The following BTBD9 variants were observed in gnomAD, a reference collection of about 807,000 sequenced individuals.
BTBD9 encodes the protein BTB domain containing 9, also known as BTB/POZ domain-containing protein 9.
Under a neutral mutation model 64.3 loss-of-function variants are expected in BTBD9, and 49 were observed. The observed-to-expected ratio is 0.76, with a 90% CI of 0.61 to 0.97. The LOEUF is 0.97. Among genes scored for constraint, BTBD9 ranks in the 50% least tolerant of loss-of-function variants. BTBD9 has a pLI of 0.00. For missense variants in BTBD9, 598 were observed against 762.1 expected, an observed-to-expected ratio of 0.78 and a Z score of 2.53; for synonymous variants, 260 against 274.7, an observed-to-expected ratio of 0.95 and a Z score of 0.53.
intron 6 of BTBD9, among the ~76,000 whole-genome samples, chr6:38,516,277 C>T (rs921665390): frequency 1.3e-5 from 2 of 151,640 alleles, no homozygotes; most frequent in African/African-American, 4.8e-5. Flanking sequence ...GTCAGCCATT[C>T]CATGAATTTA....
intron 6 of BTBD9, among the ~76,000 whole-genome samples, chr6:38,443,319 G>A (rs1243452871): frequency 6.6e-6 from 1 of 152,176 alleles, no homozygotes; most frequent in Non-Finnish European, 1.5e-5. Flanking sequence ...GTGAAGGGGT[G>A]AGAATATGTT....
At chr6:38,620,988 G>C (rs573300441) in intron 1 of BTBD9, among the ~76,000 whole-genome samples, 65 of 152,320 alleles carry the variant, frequency 4.3e-4, no homozygotes, top group Non-Finnish European at 5.3e-4. Context: ...TTATATGCCA[G>C]AGAGAGAGCA....
chr6:38,527,211 G>GA (rs925140592), intron 6 of BTBD9, among the ~76,000 whole-genome samples: 3 of 130,830 alleles, frequency 2.3e-5, no homozygotes, highest in Non-Finnish European at 3.1e-5. Context: ...AGGAGTTAGA[G>GA]GTTGCAATGA....
intron 6 of BTBD9, among the ~76,000 whole-genome samples, chr6:38,347,825 C>G (rs968451809): frequency 3.9e-5 from 6 of 152,080 alleles, no homozygotes; most frequent in African/African-American, 1.4e-4. Context: ...GGTGAAACCC[C>G]ATCTCTACTA....
intron 9 of BTBD9, among the ~76,000 whole-genome samples, chr6:38,211,157 C>T (rs547388808): frequency 3.3e-5 from 5 of 152,328 alleles, no homozygotes; most frequent in Admixed American, 1.3e-4. Flanking sequence ...AGGCCAGGCA[C>T]GGTGGCTCAC....
At chr6:38,267,407 C>T (rs1312760895) in intron 8 of BTBD9, among the ~76,000 whole-genome samples, 2 of 152,210 alleles carry the variant, frequency 1.3e-5, no homozygotes, top group South Asian at 2.1e-4. Flanking sequence ...TTTATGACTC[C>T]TGTGAAACAA....
At position 38,169,669 on chromosome 6, in the gene BTBD9, ACAGCCTTGGGGAGG is replaced by A. The variant is rs1766668286; in HGVS notation, c.*5302_*5315del. 1 of 152,182 alleles carries A rather than the reference ACAGCCTTGGGGAGG, an allele frequency of 6.6e-6. No homozygotes were observed. Among genetic ancestry groups the A allele is most frequent in the African/African-American group, 2.4e-5 (1 of 41,420 alleles). 9.4% of individuals were successfully genotyped at this position (152,182 alleles called of 1,614,324 possible). ...CTCCTCAGCTGTCACAGCCGCAGTG[ACAGCCTTGGGGAGG>A]CTGAGGGGGCTCTGTCAACCAGGGG... is the stretch of plus-strand genomic sequence containing the variant. On this transcript the variant is annotated 3_prime_UTR_variant, in exon 11 of 11. Transcript: ENST00000481247.
At chr6:38,522,481 T>C (rs529795109) in intron 6 of BTBD9, among the ~76,000 whole-genome samples, 4 of 152,368 alleles carry the variant, frequency 2.6e-5, no homozygotes, top group South Asian at 2.1e-4. Context: ...TCACTGACTA[T>C]GTGCTCTGTT....
intron 7 of BTBD9, among the ~76,000 whole-genome samples, chr6:38,329,063 C>A (rs969189545): frequency 6.7e-6 from 1 of 148,764 alleles, no homozygotes; most frequent in African/African-American, 2.5e-5. Context: ...CATCCTACTT[C>A]TATTTTATAT....
chr6:38,171,560 GT>G lies in BTBD9; in HGVS notation c.*3424del, dbSNP rs1766761426. ...ACTGAGAAAATGGTAAAACGGGTGTGTGTGTGTGTGTGTGTGTGTGTGTGTG... is the reference window on the plus strand; with the variant it reads ...ACTGAGAAAATGGTAAAACGGGTGTGGTGTGTGTGTGTGTGTGTGTGTGTG... On this transcript the variant is annotated 3_prime_UTR_variant, in exon 11 of 11. Coordinates refer to ENST00000481247, the MANE Select transcript of BTBD9 (RefSeq NM_001099272.2). 2 of 1,346 alleles carry G rather than the reference GT, an allele frequency of 1.5e-3. No individual in the cohort carries two copies. Among genetic ancestry groups the G allele is most frequent in the Non-Finnish European group, 7.0e-3 (2 of 286 alleles). 0.1% of individuals were successfully genotyped at this position (1,346 alleles called of 1,614,324 possible).
intron 6 of BTBD9, among the ~76,000 whole-genome samples, chr6:38,398,487 C>T (rs1766787997): frequency 6.6e-6 from 1 of 152,146 alleles, no homozygotes; most frequent in African/African-American, 2.4e-5. Flanking sequence ...CTCTTGAGGG[C>T]TGTCATTGAA....
intron 6 of BTBD9, among the ~76,000 whole-genome samples, chr6:38,494,855 A>G (rs914124027): frequency 1.3e-5 from 2 of 152,202 alleles, no homozygotes; most frequent in Admixed American, 6.5e-5. Context: ...ATGAAAAGAG[A>G]TCATAATTCC....
intron 7 of BTBD9, among the ~76,000 whole-genome samples, chr6:38,324,781 T>C (rs1260763120): frequency 6.6e-6 from 1 of 152,204 alleles, no homozygotes; most frequent in Non-Finnish European, 1.5e-5. Flanking sequence ...ACTTTAGTAC[T>C]CAGGCATCTC....
intron 4 of BTBD9, among the ~76,000 whole-genome samples, chr6:38,586,336 T>C (rs1582675600): frequency 6.6e-6 from 1 of 151,890 alleles, no homozygotes; most frequent in East Asian, 1.9e-4. Context: ...CATCATTATA[T>C]ATGCATAAAA....
chr6:38,511,549 C>T (rs1049345511), intron 6 of BTBD9, among the ~76,000 whole-genome samples: 2 of 151,904 alleles, frequency 1.3e-5, no homozygotes, highest in Admixed American at 1.3e-4. Flanking sequence ...CCCTATGTTG[C>T]CCAGGCTGGT....
intron 2 of BTBD9, among the ~76,000 whole-genome samples, chr6:38,595,079 A>G (rs938762681): frequency 2.6e-5 from 4 of 152,258 alleles, no homozygotes; most frequent in Admixed American, 2.0e-4. Context: ...TACTGTTTTG[A>G]AAACATGTCC....
chr6:38,247,920 G>A (rs1043074331), intron 9 of BTBD9, among the ~76,000 whole-genome samples: 1 of 151,834 alleles, frequency 6.6e-6, no homozygotes, highest in Non-Finnish European at 1.5e-5. Flanking sequence ...AAACACTTAT[G>A]GCTCTAGCAA....
chr6:38,351,194 G>T (rs1013667135), intron 6 of BTBD9, among the ~76,000 whole-genome samples: 2 of 152,222 alleles, frequency 1.3e-5, no homozygotes, highest in African/African-American at 4.8e-5. Flanking sequence ...CTTCAGCAAA[G>T]GGGCCAAGCA....
At chr6:38,605,115 C>T (rs749300771) in intron 1 of BTBD9, among the ~76,000 whole-genome samples, 3 of 150,370 alleles carry the variant, frequency 2.0e-5, no homozygotes, top group South Asian at 2.1e-4. Context: ...GGTGTGATCT[C>T]GGCTCACTGC....
Sources: allele counts gnomAD v4.1 joint callset (sites outside exome capture counted in the v4.1 genomes callset), GRCh38; gene constraint gnomAD v4.1.1; transcripts MANE v1.5; gene names NCBI Gene and HGNC (gene_info 2026-07-23, HGNC 2026-07-21).